The following GRIA2 variants were observed in gnomAD, a reference collection of about 807,000 sequenced individuals.
The protein encoded by GRIA2 is glutamate ionotropic receptor AMPA type subunit 2, also known as glutamate receptor 2.
In GRIA2, 14 loss-of-function variants were observed where a neutral mutation model predicts 97.3. The observed-to-expected ratio is 0.14, with a 90% CI of 0.10 to 0.23. The LOEUF (loss-of-function observed/expected upper bound fraction) is 0.23. Among genes scored for constraint, GRIA2 ranks in the 10% least tolerant of loss-of-function variants. The pLI is 1.00. For synonymous variants in GRIA2, 412 were observed against 387.8 expected (o/e 1.06, Z -0.73); for missense variants, 558 against 1,069.8 (o/e 0.52, Z 6.67).
chr4:157,263,237 C>T (rs1279204669), intron 2 of GRIA2, among the ~76,000 whole-genome samples: 3 of 151,866 alleles, frequency 2.0e-5, no homozygotes, highest in Admixed American at 6.6e-5. Context: ...TTCCTGTTTT[C>T]TTTTCTCATT....
intron 2 of GRIA2, among the ~76,000 whole-genome samples, chr4:157,255,101 C>T (rs1405960288): frequency 2.6e-5 from 4 of 151,928 alleles, no homozygotes; most frequent in South Asian, 2.1e-4. Flanking sequence ...CCAGTCTCCC[C>T]GTCTATCATT....
intron 3 of GRIA2, among the ~76,000 whole-genome samples, chr4:157,312,367 G>T (rs567244158): frequency 6.6e-6 from 1 of 152,074 alleles, no homozygotes; most frequent in East Asian, 1.9e-4. Context: ...TTAAACCAAA[G>T]ATATTAACAT....
At chr4:157,254,417 A>G (rs555245747) in intron 2 of GRIA2, among the ~76,000 whole-genome samples, 1 of 152,238 alleles carries the variant, frequency 6.6e-6, no homozygotes, top group Admixed American at 6.5e-5. Flanking sequence ...GAGTTAACCC[A>G]TTTAAAAAAT....
chr4:157,253,644 C>T (rs1731112121), intron 2 of GRIA2, among the ~76,000 whole-genome samples: 1 of 152,008 alleles, frequency 6.6e-6, no homozygotes, highest in Non-Finnish European at 1.5e-5. Flanking sequence ...GATCAATTGC[C>T]TCTACCAAAG....
chr4:157,314,724 T>C (rs1412997631), intron 4 of GRIA2, among the ~76,000 whole-genome samples: 2 of 152,200 alleles, frequency 1.3e-5, no homozygotes, highest in Admixed American at 6.5e-5. Context: ...TTGTAAGTGA[T>C]GTTTTGATTA....
Position 157,300,962 on chromosome 4 carries a change from C to T in GRIA2, c.230-2590C>T, listed in dbSNP as rs748985571. ...GTATTCAAACAGTGGCATTCTTTAT[C>T]AGGCATCCTGCTGATGCTGTGGCTG... On this transcript the variant is annotated intron_variant, in intron 2 of 15. Coordinates refer to ENST00000264426, the MANE Select transcript of GRIA2 (RefSeq NM_001083619.3). Among the ~76,000 whole-genome samples, 14 of 152,248 alleles carry T rather than the reference C, an allele frequency of 9.2e-5. 1 individual carries two copies. Among genetic ancestry groups the T allele is most frequent in the Middle Eastern group, 6.8e-3 (2 of 294 alleles).
chr4:157,277,649 C>A (rs1732385163), intron 2 of GRIA2, among the ~76,000 whole-genome samples: 1 of 151,216 alleles, frequency 6.6e-6, no homozygotes, highest in African/African-American at 2.4e-5. Context: ...AAAATAAACT[C>A]CTGGAACTAA....
At chr4:157,320,543 T>C (rs894140881) in intron 5 of GRIA2, among the ~76,000 whole-genome samples, 1 of 152,022 alleles carries the variant, frequency 6.6e-6, no homozygotes, top group East Asian at 1.9e-4. Flanking sequence ...AGAAACAAAA[T>C]TGTGAGCCAA....
Position 157,287,043 on chromosome 4 carries a change from T to G in GRIA2, c.230-16509T>G, listed in dbSNP as rs1732878267. Among the ~76,000 whole-genome samples the G allele has an allele frequency of 2.6e-5, 4 of 151,710 alleles. No individual in the cohort carries two copies. In the South Asian group the frequency reaches 8.3e-4, roughly 31 times the overall value. On this transcript the variant is annotated intron_variant, in intron 2 of 15. Transcript: ENST00000264426. ...TAAATTACTGTCTCCTATTCTCTAT[T>G]CTGTCTGGAAACAACTCCAATCTGT...
chr4:157,337,430 T>G (rs1230205130), intron 11 of GRIA2, among the ~76,000 whole-genome samples: 1 of 152,018 alleles, frequency 6.6e-6, no homozygotes, highest in Non-Finnish European at 1.5e-5. Context: ...TTATAATGAA[T>G]CTACCACAAA....
intron 2 of GRIA2, chr4:157,249,685 G>C (rs1730937886): frequency 6.6e-6 from 1 of 152,118 alleles, no homozygotes; most frequent in African/African-American, 2.4e-5. Context: ...TTTAAGAATG[G>C]CATTATGCTT....
At position 157,266,167 on chromosome 4, in the gene GRIA2, A is replaced by G. The variant is rs140776420; in HGVS notation, c.230-37385A>G. 7.6e-4 allele frequency among the ~76,000 whole-genome samples: 115 copies of G among 152,240 alleles called. 1 individual carries two copies. Among genetic ancestry groups the G allele is most frequent in the African/African-American group, 2.6e-3 (107 of 41,574 alleles). On this transcript the variant is annotated intron_variant, in intron 2 of 15. Transcript: ENST00000264426. Reference sequence around the variant, plus strand: ...CGTTTTAGAGCTATTTATTGAACTTAAGAGGCTCATAAAACATCCAATAAA... The same window carrying G: ...CGTTTTAGAGCTATTTATTGAACTTGAGAGGCTCATAAAACATCCAATAAA...
In GRIA2 at chr4:157,220,747, G is replaced by T; in HGVS notation, c.-296G>T. On this transcript the variant is annotated 5_prime_UTR_variant, in exon 1 of 16. The change creates a premature stop within an existing upstream ORF in the 5' untranslated region. Coordinates refer to ENST00000264426, the MANE Select transcript of GRIA2 (RefSeq NM_001083619.3). ...GAGGGTGAGTGTGTGTGAGTGCATG[G>T]GAGGGTGCTGAATATTCCGAGACAC... The T allele has an allele frequency of 2.1e-6, 1 of 474,826 alleles. No individual in the cohort carries two copies. The highest frequency in any genetic ancestry group is 3.8e-6 in the Non-Finnish European group (1 of 260,752). 29.4% of individuals were successfully genotyped at this position (474,826 alleles called of 1,614,324 possible).
chr4:157,273,774 G>A (rs1360563658), intron 2 of GRIA2, among the ~76,000 whole-genome samples: 1 of 151,922 alleles, frequency 6.6e-6, no homozygotes. Context: ...CACATAATGG[G>A]AATATCACAA....
At chr4:157,280,357 C>T (rs1660231004) in intron 2 of GRIA2, among the ~76,000 whole-genome samples, 1 of 151,920 alleles carries the variant, frequency 6.6e-6, no homozygotes, top group Admixed American at 6.6e-5. Context: ...GAGTTAGTGC[C>T]CAGTGCAACA....
chr4:157,267,072 A>C (rs1172748500), intron 2 of GRIA2, among the ~76,000 whole-genome samples: 4 of 151,956 alleles, frequency 2.6e-5, no homozygotes, highest in African/African-American at 9.7e-5. Context: ...AAAAAAAGAA[A>C]AAAAGGAAGA....
chr4:157,245,659 A>G (rs1021467668), intron 2 of GRIA2, among the ~76,000 whole-genome samples: 15 of 152,142 alleles, frequency 9.9e-5, no homozygotes, highest in African/African-American at 3.4e-4. Context: ...AGTAAAGGCA[A>G]TAAATTATCA....
Position 157,303,618 on chromosome 4 carries a change from C to T in GRIA2, c.296C>T (p.Thr99Ile), listed in dbSNP as rs1733710633. 1.2e-6 allele frequency: 2 copies of T among 1,613,852 alleles called. No homozygotes were observed. Among genetic ancestry groups the T allele is most frequent in the Non-Finnish European group, 1.7e-6 (2 of 1,179,790 alleles). ...TTTTATGACAAGAAGTCTGTAAATACCATCACATCATTTTGCGGAACACTC... is the reference window on the plus strand; with the variant it reads ...TTTTATGACAAGAAGTCTGTAAATATCATCACATCATTTTGCGGAACACTC... The part of the protein sequence containing the change: ...FGFYDKKSVN[T>I]ITSFCGTLHV... Residue 99 changes from threonine (T) to isoleucine (I), a missense_variant, in exon 3 of 16, where the codon ACC (threonine) becomes ATC (isoleucine). Thr to Ile is a moderately conservative substitution (Grantham distance 89, BLOSUM62 -1). This residue lies in a region of GRIA2 where 96 missense variants were observed against 176.6 expected (regional missense o/e 0.54). Coordinates refer to ENST00000264426, the MANE Select transcript of GRIA2 (RefSeq NM_001083619.3).
chr4:157,229,023 A>G (rs1729883055), intron 2 of GRIA2, among the ~76,000 whole-genome samples: 1 of 152,056 alleles, frequency 6.6e-6, no homozygotes. Flanking sequence ...GCCCCCAACC[A>G]GGATATTTTA....
Sources: allele counts gnomAD v4.1 joint callset (sites outside exome capture counted in the v4.1 genomes callset), GRCh38; gene constraint gnomAD v4.1.1; regional missense constraint gnomAD v4.1.1; transcripts MANE v1.5; gene names NCBI Gene and HGNC (gene_info 2026-07-23, HGNC 2026-07-21).